RBFOX1: variants seen among roughly 807,000 people sequenced by gnomAD.
The protein encoded by RBFOX1 is RNA binding protein fox-1 homolog 1.
In RBFOX1, 8 loss-of-function variants were observed where a neutral mutation model predicts 57.7. The ratio of observed to expected loss-of-function variants is 0.14; its 90% CI spans 0.08 to 0.25. The LOEUF is 0.25. Ranked by LOEUF, RBFOX1 falls within the 10% of genes least tolerant of loss-of-function variation. The pLI is 1.00. For missense variants in RBFOX1, 611 were observed against 548.5 expected, an observed-to-expected ratio of 1.11 and a Z score of -1.14; for synonymous variants, 326 against 222.4, an observed-to-expected ratio of 1.47 and a Z score of -4.15.
At chr16:5,388,069 C>G (rs553940117) in intron 1 of RBFOX1, among the ~76,000 whole-genome samples, 1 of 152,290 alleles carries the variant, frequency 6.6e-6, no homozygotes, top group Non-Finnish European at 1.5e-5. Flanking sequence ...CAGGAAGGAA[C>G]ACAACCCTCC....
intron 4 of RBFOX1, among the ~76,000 whole-genome samples, chr16:7,103,915 C>G (rs927462737): frequency 1.3e-5 from 2 of 152,172 alleles, no homozygotes; most frequent in African/African-American, 4.8e-5. Flanking sequence ...TTAGCTGAGT[C>G]TCTCTTTCAA....
chr16:5,854,529 A>T (rs1370378733), intron 3 of RBFOX1, among the ~76,000 whole-genome samples: 1 of 151,882 alleles, frequency 6.6e-6, no homozygotes, highest in African/African-American at 2.4e-5. Flanking sequence ...AGGCTGAATA[A>T]TGGTGTTTAT....
At chr16:5,559,456 C>G (rs1245145485) in intron 2 of RBFOX1, among the ~76,000 whole-genome samples, 1 of 152,110 alleles carries the variant, frequency 6.6e-6, no homozygotes, top group Non-Finnish European at 1.5e-5. Context: ...ACTGTCAAAA[C>G]AAGCCGAACA....
chr16:6,394,639 T>C lies in RBFOX1; in HGVS notation c.-64+77582T>C, dbSNP rs565905004. ...TAAACAACTAGGTATCTAATATATA[T>C]ATTATGTGTATTAGATATATATATG... On this transcript the variant is annotated intron_variant, in intron 2 of 15. Transcript: ENST00000550418. Among the ~76,000 whole-genome samples the C allele has an allele frequency of 5.3e-4, 80 of 151,364 alleles. 5 individuals carry two copies. Among genetic ancestry groups the C allele is most frequent in the South Asian group, 1.0e-3 (5 of 4,808 alleles).
At chr16:7,709,936 C>G in intron 15 of RBFOX1, 2 of 1,027,422 alleles carry the variant, frequency 1.9e-6, no homozygotes, top group Non-Finnish European at 2.3e-6. Flanking sequence ...AGTCCTTACC[C>G]TAAAAATGAA....
At chr16:6,099,518 G>A (rs761790373) in intron 1 of RBFOX1, among the ~76,000 whole-genome samples, 1 of 152,132 alleles carries the variant, frequency 6.6e-6, no homozygotes, top group South Asian at 2.1e-4. Flanking sequence ...TGATTGCCAG[G>A]GTCTGAGGGG....
chr16:7,190,727 C>T (rs942018060), intron 4 of RBFOX1, among the ~76,000 whole-genome samples: 2 of 152,064 alleles, frequency 1.3e-5, no homozygotes, highest in South Asian at 4.1e-4. Context: ...GTTCTCCTGG[C>T]CTTGCATGGT....
intron 4 of RBFOX1, among the ~76,000 whole-genome samples, chr16:7,125,101 C>G (rs2068159657): frequency 6.6e-6 from 1 of 151,962 alleles, no homozygotes; most frequent in Non-Finnish European, 1.5e-5. Flanking sequence ...TAAAGAAAAG[C>G]CAAAATGACA....
At chr16:5,317,177 C>G (rs529719504) in intron 1 of RBFOX1, among the ~76,000 whole-genome samples, 1 of 152,228 alleles carries the variant, frequency 6.6e-6, no homozygotes, top group South Asian at 2.1e-4. Context: ...TGAACCAATT[C>G]CCTTAATAAA....
At position 5,811,325 on chromosome 16, in the gene RBFOX1, G is replaced by A. The variant is rs1305012628; in HGVS notation, c.319-55978G>A. On this transcript the variant is annotated intron_variant, in intron 3 of 19. Transcript: ENST00000641259. ...ATTTTTATACTTTTAGTAGAGACGG[G>A]GTTTCCCTGGTTTCCCTATGTTAGC... 2.0e-5 allele frequency among the ~76,000 whole-genome samples: 3 copies of A among 151,506 alleles called. No homozygotes were observed. In the South Asian group the frequency reaches 6.3e-4, roughly 32 times the overall value.
chr16:5,722,776 C>T (rs2051984707), intron 3 of RBFOX1, among the ~76,000 whole-genome samples: 1 of 152,172 alleles, frequency 6.6e-6, no homozygotes, highest in African/African-American at 2.4e-5. Context: ...TTCTAGTTAT[C>T]CATCAGTCTC....
At chr16:6,136,754 G>T (rs536485905) in intron 1 of RBFOX1, among the ~76,000 whole-genome samples, 42 of 152,230 alleles carry the variant, frequency 2.8e-4, no homozygotes, top group African/African-American at 9.4e-4. Context: ...TGCATCACAA[G>T]CCGACATTTG....
intron 4 of RBFOX1, among the ~76,000 whole-genome samples, chr16:5,945,910 C>T (rs1370801035): frequency 1.4e-4 from 21 of 152,200 alleles, no homozygotes; most frequent in Admixed American, 1.4e-3. Context: ...TGAGCCACTC[C>T]ATGCCATGGG....
At chr16:6,966,829 GTCTA>G (rs112015730) in intron 3 of RBFOX1, among the ~76,000 whole-genome samples, 5,653 of 148,762 alleles carry the variant, frequency 0.038, 141 homozygotes, top group African/African-American at 0.054. Context: ...CTATCTATCT[GTCTA>G]TCTATCTATC....
At position 6,532,770 on chromosome 16, in the gene RBFOX1, C is replaced by T. The variant is rs542550009; in HGVS notation, c.-63-121833C>T. Among the ~76,000 whole-genome samples, 11 of 152,244 alleles carry T rather than the reference C, an allele frequency of 7.2e-5. No homozygotes were observed. The South Asian group carries it at 2.1e-3, about 29-fold the overall frequency. ...GTTTATGTCTTTTTAGGGCATTTAC[C>T]GTCCCCACTCCTGTGTTACCGTCTC... is the stretch of plus-strand genomic sequence containing the variant. On this transcript the variant is annotated intron_variant, in intron 2 of 15. Transcript: ENST00000550418.
In RBFOX1 at chr16:6,679,844, T is replaced by G. The variant is rs527754128; in HGVS notation, c.-16+25194T>G. Reference sequence around the variant, plus strand: ...ATGCAGAGAAAGGCTAAACAAACACTGGGACCTTCTACATAAAGCCATAGT... The same window carrying G: ...ATGCAGAGAAAGGCTAAACAAACACGGGGACCTTCTACATAAAGCCATAGT... On this transcript the variant is annotated intron_variant, in intron 3 of 15. Transcript: ENST00000550418. Among the ~76,000 whole-genome samples the G allele has an allele frequency of 8.0e-5, 12 of 149,480 alleles. No homozygotes were observed. In the South Asian group the frequency reaches 2.5e-3, roughly 32 times the overall value.
intron 3 of RBFOX1, among the ~76,000 whole-genome samples, chr16:6,962,303 C>G (rs1314018129): frequency 1.3e-5 from 2 of 152,192 alleles, no homozygotes; most frequent in Admixed American, 6.5e-5. Flanking sequence ...AAATTCAGGA[C>G]AATCTCATCT....
chr16:7,587,886 G>C (rs371920899), intron 7 of RBFOX1, among the ~76,000 whole-genome samples: 3 of 152,302 alleles, frequency 2.0e-5, no homozygotes, highest in African/African-American at 7.2e-5. Context: ...GAGAGGTTCT[G>C]TTTCAAAACA....
In RBFOX1 at chr16:6,987,340, A is replaced by G. The variant is rs118134115; in HGVS notation, c.-15-64717A>G. Among the ~76,000 whole-genome samples the G allele has an allele frequency of 3.0e-3, 454 of 152,234 alleles. 3 individuals carry two copies. Among genetic ancestry groups the G allele is most frequent in the Non-Finnish European group, 5.7e-3 (386 of 68,022 alleles). Reference sequence around the variant, plus strand: ...TCAAAGGAGGAAGTGAGTGGAGAACAAGAGAGAATGAGTAGTTTGCCTAAA... The same window carrying G: ...TCAAAGGAGGAAGTGAGTGGAGAACGAGAGAGAATGAGTAGTTTGCCTAAA... On this transcript the variant is annotated intron_variant, in intron 3 of 15. Coordinates refer to ENST00000550418, the MANE Select transcript of RBFOX1 (RefSeq NM_018723.4).
Sources: gnomAD v4.1 joint callset for allele counts (sites outside exome capture counted in the v4.1 genomes callset) on GRCh38, gnomAD v4.1.1 for gene constraint, MANE v1.5 for transcripts, NCBI Gene and HGNC (gene_info 2026-07-23, HGNC 2026-07-21) for gene names.